SUN3: variants seen among roughly 807,000 people sequenced by gnomAD.
SUN3 encodes Sad1 and UNC84 domain containing 3.
In SUN3, 36 loss-of-function variants were observed where a neutral mutation model predicts 48.2. The ratio of observed to expected loss-of-function variants is 0.75; its 90% CI spans 0.57 to 0.99. The LOEUF is 0.99. Among genes scored for constraint, SUN3 ranks in the 50% least tolerant of loss-of-function variants. SUN3 has a pLI of 0.00. For missense variants in SUN3, 419 were observed against 433.1 expected (o/e 0.97, Z 0.29); for synonymous variants, 148 against 147.9 (o/e 1.00, Z 0.00).
intron 3 of SUN3, among the ~76,000 whole-genome samples, chr7:48,009,385 G>A (rs1283028017): frequency 6.6e-6 from 1 of 152,150 alleles, no homozygotes; most frequent in Non-Finnish European, 1.5e-5. Context: ...TGAGAGGGAG[G>A]TTGGAAGAGG....
rs1449296098 is a variant in SUN3 at position 48,006,075 on chromosome 7, T to A, written c.493-22A>T. On this transcript the variant is annotated intron_variant, in intron 5 of 9. Transcript: ENST00000297325. ...CTTCCTGTAGAAATTTTATAAACAG[T>A]TTTCTGTTAACAATCTTTGCCAACT... 3 of 1,499,154 alleles carry A rather than the reference T, an allele frequency of 2.0e-6. No individual in the cohort carries two copies. In the South Asian group the frequency reaches 3.6e-5, roughly 18 times the overall value. 92.9% of individuals were successfully genotyped at this position (1,499,154 alleles called of 1,614,324 possible). A position where few individuals can be genotyped will look rare whatever the true frequency, so the allele number is the denominator to read the frequency against.
At chr7:48,029,119 T>A (rs1790218380), upstream of SUN3, 2 of 856,298 alleles carry the variant, frequency 2.3e-6, no homozygotes, top group South Asian at 1.7e-5. Context: ...ATTCTTCTGT[T>A]GCATCATCCT....
At chr7:48,011,916 A>C (rs998434715) in intron 3 of SUN3, among the ~76,000 whole-genome samples, 9 of 152,320 alleles carry the variant, frequency 5.9e-5, no homozygotes, top group Admixed American at 3.3e-4. Flanking sequence ...GTGGGCTATA[A>C]ATTTGTTTCA....
intron 2 of SUN3, 31 bp downstream of exon 2, chr7:48,025,846 G>GT: frequency 6.8e-7 from 1 of 1,463,634 alleles, no homozygotes; most frequent in East Asian, 2.3e-5. Flanking sequence ...CTGTGGAATG[G>GT]TTTTAAGGAT....
At chr7:48,006,662 C>T (rs771249391) in intron 5 of SUN3, among the ~76,000 whole-genome samples, 23 of 152,194 alleles carry the variant, frequency 1.5e-4, no homozygotes, top group Middle Eastern at 3.4e-3. Context: ...GTCTGGAGGG[C>T]GGCAGGTGGT....
At chr7:48,000,634 A>C (rs1789336285) in intron 6 of SUN3, among the ~76,000 whole-genome samples, 1 of 152,220 alleles carries the variant, frequency 6.6e-6, no homozygotes, top group African/African-American at 2.4e-5. Context: ...CTGGATCTAC[A>C]ATTCTGCATT....
intron 2 of SUN3, among the ~76,000 whole-genome samples, chr7:48,024,349 A>G (rs910436406): frequency 1.3e-5 from 2 of 152,202 alleles, no homozygotes; most frequent in African/African-American, 2.4e-5. Context: ...ATCAAAAATG[A>G]GCAAAAGACT....
At position 48,019,639 on chromosome 7, in the gene SUN3, T is replaced by C. The variant is rs530019325; in HGVS notation, c.185-2274A>G. 1.4e-3 allele frequency among the ~76,000 whole-genome samples: 213 copies of C among 152,126 alleles called. 1 individual carries two copies. The highest frequency in any genetic ancestry group is 4.7e-3 in the African/African-American group (197 of 41,548). ...CTGCACAAATTTAAAGGATCATTAC[T>C]AGCTACTATGAACAACTGTATGCCA... On this transcript the variant is annotated intron_variant, in intron 2 of 9. Transcript: ENST00000297325.
intron 3 of SUN3, among the ~76,000 whole-genome samples, chr7:48,012,157 G>A (rs181207926): frequency 4.5e-4 from 68 of 152,300 alleles, no homozygotes; most frequent in African/African-American, 1.3e-3. Flanking sequence ...CCTATGTCAG[G>A]GAAAGCCTCA....
At chr7:48,035,710 C>A in the SUN3 span, 4 of 587,928 alleles carry the variant, frequency 6.8e-6, no homozygotes, top group African/African-American at 1.9e-5. The surrounding 1 kb of genome is among the most constrained non-coding windows in gnomAD (Gnocchi z 4.0). Context: ...GCTCGCAGTG[C>A]GGGCAGTGCG....
intron 1 of SUN3, 36 bp downstream of exon 1, chr7:48,028,781 C>T (rs763128508): frequency 3.1e-6 from 5 of 1,605,598 alleles, no homozygotes; most frequent in Admixed American, 1.7e-5. Context: ...ATAAAACCTA[C>T]AATTTCAGGC....
intron 7 of SUN3, among the ~76,000 whole-genome samples, chr7:47,995,328 G>A (rs2128771326): frequency 6.6e-6 from 1 of 151,926 alleles, no homozygotes; most frequent in East Asian, 1.9e-4. Context: ...AAGAAAGATG[G>A]TGCTGGTGGT....
rs549362575 is a variant in SUN3 at position 48,009,458 on chromosome 7, A to T, written c.289-383T>A. Among the ~76,000 whole-genome samples the T allele has an allele frequency of 2.0e-3, 299 of 152,306 alleles. 1 individual carries two copies. Among genetic ancestry groups the T allele is most frequent in the Non-Finnish European group, 3.4e-3 (230 of 68,020 alleles). On this transcript the variant is annotated intron_variant, in intron 3 of 9. Transcript: ENST00000297325. ...CAAGCGGGAGAGGCGCCCCTGGTGG[A>T]TGTGGAAAAACCTAAGGAGCACATG...
the SUN3 span, among the ~76,000 whole-genome samples, chr7:48,034,860 C>G: frequency 6.6e-6 from 1 of 152,084 alleles, no homozygotes; most frequent in African/African-American, 2.4e-5. Context: ...AGTCTCTCAA[C>G]TTATAAAACA....
rs780244959 is a variant in SUN3, at chr7:48,025,911, T to C, written c.150A>G (p.Leu50=). 3.1e-6 allele frequency: 5 copies of C among 1,602,736 alleles called. No individual in the cohort carries two copies. The African/African-American group carries it at 5.4e-5, about 17-fold the overall frequency. ...NGVTRSWKII[L]STMLTLTFLL... is the part of the protein sequence containing the mutation. ...GAAAAGTCAGTGTAAGCATTGTACT[T>C]AGAATAATCTTCCATGATCGAGTTA... The change falls in exon 2 of 10, where the codon CTA becomes CTG. Residue 50 remains leucine, a synonymous_variant. Coordinates refer to ENST00000297325, the MANE Select transcript of SUN3 (RefSeq NM_001030019.2).
intron 2 of SUN3, among the ~76,000 whole-genome samples, chr7:48,022,516 C>T (rs1472234709): frequency 1.3e-5 from 2 of 151,988 alleles, no homozygotes; most frequent in Admixed American, 1.3e-4. Flanking sequence ...TGTATCAAAA[C>T]ATCTCAGGTA....
At chr7:48,020,651 G>A (rs1043474956) in intron 2 of SUN3, among the ~76,000 whole-genome samples, 4 of 151,982 alleles carry the variant, frequency 2.6e-5, no homozygotes, top group African/African-American at 9.7e-5. Flanking sequence ...TACAAACAGT[G>A]AACAATCTGA....
At chr7:47,999,991 T>G (rs1406623494) in intron 6 of SUN3, 4 of 152,268 alleles carry the variant, frequency 2.6e-5, no homozygotes, top group Non-Finnish European at 4.4e-5. Flanking sequence ...CCATTAAATC[T>G]CACCCACTGA....
intron 8 of SUN3, among the ~76,000 whole-genome samples, chr7:47,991,899 G>A (rs571761572): frequency 6.6e-6 from 1 of 152,244 alleles, no homozygotes; most frequent in East Asian, 1.9e-4. Flanking sequence ...GCCCCGCCTG[G>A]CCCAGCAGAG....
Sources: gnomAD v4.1 joint callset for allele counts (sites outside exome capture counted in the v4.1 genomes callset) on GRCh38, gnomAD v4.1.1 for gene constraint, Gnocchi (gnomAD v3.1) non-coding constraint, MANE v1.5 for transcripts, NCBI Gene and HGNC (gene_info 2026-07-23, HGNC 2026-07-21) for gene names.